The following ESR1 variants were observed in gnomAD, a reference collection of about 807,000 sequenced individuals.
ESR1 encodes estrogen receptor 1.
A neutral mutation model predicts 52.7 loss-of-function variants in ESR1; 12 were observed. That is an observed-to-expected ratio of 0.23 (90% confidence interval 0.15 to 0.37). The LOEUF is 0.37. ESR1 is among the 10% of genes least tolerant of loss of function. ESR1 has a pLI of 1.00. For synonymous variants in ESR1, 305 were observed against 316.8 expected, an observed-to-expected ratio of 0.96 and a Z score of 0.39; for missense variants, 584 against 779.7, an observed-to-expected ratio of 0.75 and a Z score of 2.99.
At chr6:151,772,575 T>C (rs1449979152) in intron 2 of ESR1, among the ~76,000 whole-genome samples, 1 of 152,164 alleles carries the variant, frequency 6.6e-6, no homozygotes, top group Non-Finnish European at 1.5e-5. Context: ...GGATTTATGA[T>C]TGAGGCCCCT....
chr6:152,105,735 A>AT (rs1245543457), downstream of ESR1, among the ~76,000 whole-genome samples: 1 of 116,828 alleles, frequency 8.6e-6, no homozygotes, highest in East Asian at 2.8e-4. Context: ...CAATTTAATT[A>AT]TTTTTTGAAT....
chr6:151,961,998 G>A (rs373000459), intron 4 of ESR1, among the ~76,000 whole-genome samples: 2 of 152,164 alleles, frequency 1.3e-5, no homozygotes, highest in South Asian at 2.1e-4. Context: ...GAAACTGTGT[G>A]TGAGGCAGTG....
intron 3 of ESR1, among the ~76,000 whole-genome samples, chr6:151,942,901 A>C (rs999415032): frequency 2.0e-5 from 3 of 152,206 alleles, no homozygotes; most frequent in Admixed American, 2.0e-4. Context: ...CTTTGAAAAT[A>C]TAGAAGCTTT....
intron 4 of ESR1, among the ~76,000 whole-genome samples, chr6:151,954,200 TC>T (rs2036648126): frequency 6.6e-6 from 1 of 152,190 alleles, no homozygotes; most frequent in African/African-American, 2.4e-5. Context: ...ACTAAACTGT[TC>T]CATGCAGTTT....
At chr6:152,067,585 G>A (rs2048060465) in intron 6 of ESR1, among the ~76,000 whole-genome samples, 1 of 152,170 alleles carries the variant, frequency 6.6e-6, no homozygotes, top group Admixed American at 6.5e-5. Context: ...AAATGCTTTG[G>A]GAGGCTGAGG....
intron 1 of ESR1, among the ~76,000 whole-genome samples, chr6:151,657,026 A>G (rs1181914209): frequency 6.6e-6 from 1 of 152,230 alleles, no homozygotes; most frequent in Non-Finnish European, 1.5e-5. Flanking sequence ...CTTTCCAGTT[A>G]GGAGAATTTT....
At chr6:151,951,572 T>C (rs981311526) in intron 4 of ESR1, among the ~76,000 whole-genome samples, 2 of 152,208 alleles carry the variant, frequency 1.3e-5, no homozygotes, top group African/African-American at 4.8e-5. Flanking sequence ...TCTATGAGAC[T>C]TGAGACATTC....
At chr6:152,111,590 C>T (rs1562796300) in intron 6 of ESR1, among the ~76,000 whole-genome samples, 1 of 152,180 alleles carries the variant, frequency 6.6e-6, no homozygotes, top group Non-Finnish European at 1.5e-5. Flanking sequence ...AAGTTCACCC[C>T]GGACTCAATG....
Position 152,100,439 on chromosome 6 carries a change from A to C in ESR1, c.*1473A>C, listed in dbSNP as rs1186109123. Reference sequence around the variant, plus strand: ...CCCCGCCCCGTTCCCTACCGCCTCCACTCCTGCCAGCTCATTTCCTTCAAT... The same window carrying C: ...CCCCGCCCCGTTCCCTACCGCCTCCCCTCCTGCCAGCTCATTTCCTTCAAT... On this transcript the variant is annotated 3_prime_UTR_variant, in exon 8 of 8. Coordinates refer to ENST00000206249, the MANE Select transcript of ESR1 (RefSeq NM_000125.4). The C allele has an allele frequency of 1.5e-5, 4 of 259,336 alleles. No individual in the cohort carries two copies. The highest frequency in any genetic ancestry group is 2.2e-5 in the African/African-American group (1 of 45,346). The allele number at this position is 259,336 out of a possible 1,614,324, so 16.1% of individuals were successfully genotyped here.
chr6:152,122,473 G>T, intron 6 of ESR1: 1 of 1,614,162 alleles, frequency 6.2e-7, no homozygotes, highest in Non-Finnish European at 8.5e-7. Flanking sequence ...TCTGAGCATG[G>T]GGTGGAATGA....
chr6:152,088,025 A>G (rs2049879958), intron 6 of ESR1, among the ~76,000 whole-genome samples: 2 of 152,202 alleles, frequency 1.3e-5, no homozygotes, highest in South Asian at 4.1e-4. Flanking sequence ...CCAGTCTAAT[A>G]AAACATACAT....
At chr6:151,851,865 G>C (rs58371065) in intron 2 of ESR1, among the ~76,000 whole-genome samples, 1 of 152,070 alleles carries the variant, frequency 6.6e-6, no homozygotes, top group Non-Finnish European at 1.5e-5. Flanking sequence ...TCTGGCAGAG[G>C]TATATAGGAG....
upstream of ESR1, among the ~76,000 whole-genome samples, chr6:151,803,031 T>A (rs1777419867): frequency 6.6e-6 from 1 of 151,852 alleles, no homozygotes. Flanking sequence ...CATGGAAAGT[T>A]AACTTTTAGA....
chr6:151,683,864 A>ATTTTTTTTTTTTTTTTT, intron 1 of ESR1, among the ~76,000 whole-genome samples: 1 of 118,476 alleles, frequency 8.4e-6, no homozygotes, highest in Non-Finnish European at 1.7e-5. Flanking sequence ...ACGTCTGGCT[A>ATTTTTTTTTTTTTTTTT]TTTTTTTTTT....
chr6:152,037,777 G>T (rs2045436646), intron 5 of ESR1, among the ~76,000 whole-genome samples: 1 of 152,126 alleles, frequency 6.6e-6, no homozygotes, highest in Non-Finnish European at 1.5e-5. Context: ...AAGTTTAGTT[G>T]CTTATGATCA....
chr6:152,059,766 T>A (rs1213623885), intron 5 of ESR1, among the ~76,000 whole-genome samples: 1 of 152,160 alleles, frequency 6.6e-6, no homozygotes, highest in Non-Finnish European at 1.5e-5. Context: ...AACATAAGGA[T>A]AGTCATTGAA....
intron 4 of ESR1, among the ~76,000 whole-genome samples, chr6:151,958,411 CAG>C (rs1301369654): frequency 6.6e-6 from 1 of 152,162 alleles, no homozygotes; most frequent in South Asian, 2.1e-4. Flanking sequence ...GATAAAGAAA[CAG>C]AGGCATTGAG....
intron 4 of ESR1, among the ~76,000 whole-genome samples, chr6:151,999,074 A>G (rs2041740986): frequency 6.6e-6 from 1 of 152,108 alleles, no homozygotes; most frequent in Non-Finnish European, 1.5e-5. Flanking sequence ...TCAGCTGGCC[A>G]TGCCTGTTCA....
chr6:151,905,385 T>A (rs1280365651), intron 3 of ESR1, among the ~76,000 whole-genome samples: 3 of 152,164 alleles, frequency 2.0e-5, no homozygotes, highest in African/African-American at 7.2e-5. Flanking sequence ...GGATACAATA[T>A]CCGGACCATG....
Sources: allele counts gnomAD v4.1 joint callset (sites outside exome capture counted in the v4.1 genomes callset), GRCh38; gene constraint gnomAD v4.1.1; transcripts MANE v1.5; gene names NCBI Gene and HGNC (gene_info 2026-07-23, HGNC 2026-07-21).